Variants in CRISPLD2 observed in about 807,000 individuals in gnomAD.
CRISPLD2 encodes cysteine-rich secretory protein LCCL domain-containing 2.
CRISPLD2 carries 47 observed loss-of-function variants against 71.1 expected under a neutral mutation model. The observed-to-expected ratio is 0.66, with a 90% CI of 0.52 to 0.84. The LOEUF (loss-of-function observed/expected upper bound fraction) is 0.84, where lower values mean the gene tolerates loss of function less well. Ranked by LOEUF, CRISPLD2 falls within the 40% of genes least tolerant of loss-of-function variation. The pLI, the probability that CRISPLD2 is intolerant of heterozygous loss-of-function variation, is 0.00. For synonymous variants in CRISPLD2, 317 were observed against 250.1 expected (o/e 1.27, Z -2.52); for missense variants, 830 against 651.1 (o/e 1.27, Z -2.99).
chr16:84,875,414 C>CTTTTTTTT lies in CRISPLD2; in HGVS notation c.1156+1467_1156+1474dup, dbSNP rs34028519. Among the ~76,000 whole-genome samples, 342 of 87,768 alleles carry CTTTTTTTT rather than the reference C, an allele frequency of 3.9e-3. 13 individuals are homozygous for CTTTTTTTT. Among genetic ancestry groups the CTTTTTTTT allele is most frequent in the African/African-American group, 0.018 (317 of 18,000 alleles). The allele number at this position is 87,768 out of a possible 152,430, so 57.6% of individuals were successfully genotyped here. The stretch of plus-strand genomic sequence containing the variant: ...GAGAAACATGAGATTTATGCATGGA[C>CTTTTTTTT]TTTTTTTTTTTTTTTTTTTTTTTGT... On this transcript the variant is annotated intron_variant, in intron 11 of 14. Coordinates refer to ENST00000262424, the MANE Select transcript of CRISPLD2 (RefSeq NM_031476.4).
intron 6 of CRISPLD2, among the ~76,000 whole-genome samples, chr16:84,865,072 C>G (rs2143264592): frequency 6.6e-6 from 1 of 152,164 alleles, no homozygotes; most frequent in South Asian, 2.1e-4. Context: ...AAAATACTTG[C>G]TGTGTCCTTT....
In CRISPLD2 at chr16:84,856,485, A is replaced by T. The variant is rs542592526; in HGVS notation, c.709+1656A>T. Among the ~76,000 whole-genome samples the T allele has an allele frequency of 6.6e-5, 10 of 152,308 alleles. No homozygotes were observed. The South Asian group carries it at 2.1e-3, about 32-fold the overall frequency. ...TGGTGGCAGCGTTCCTCCCTCTGGA[A>T]CTAAGACCTCTAGGCCAGCAGAATG... On this transcript the variant is annotated intron_variant, in intron 6 of 14. Transcript: ENST00000262424.
intron 13 of CRISPLD2, among the ~76,000 whole-genome samples, chr16:84,884,469 C>T (rs2071595149): frequency 6.6e-6 from 1 of 152,214 alleles, no homozygotes; most frequent in African/African-American, 2.4e-5. Context: ...CACAGGTCAT[C>T]CCAAGTCACA....
intron 11 of CRISPLD2, among the ~76,000 whole-genome samples, chr16:84,876,741 A>C (rs2071521726): frequency 6.6e-6 from 1 of 152,216 alleles, no homozygotes; most frequent in African/African-American, 2.4e-5. Flanking sequence ...GCAGTGAGCC[A>C]AGATCGTGCC....
At chr16:84,846,069 G>C (rs1412771426) in intron 3 of CRISPLD2, 165 bp downstream of exon 3, 3 of 533,284 alleles carry the variant, frequency 5.6e-6, no homozygotes, top group Middle Eastern at 5.0e-4. Flanking sequence ...GAACACTCCT[G>C]AGTGACTGAC....
intron 2 of CRISPLD2, among the ~76,000 whole-genome samples, chr16:84,843,377 C>A (rs188477890): frequency 1.3e-5 from 2 of 152,318 alleles, no homozygotes; most frequent in Non-Finnish European, 2.9e-5. Context: ...GCTGTGGCTT[C>A]AAGCCACAGT....
chr16:84,845,712 C>A, intron 2 of CRISPLD2, 74 bp from the exon 3 acceptor site: 2 of 962,822 alleles, frequency 2.1e-6, no homozygotes, highest in East Asian at 2.4e-5. Flanking sequence ...CAGGCTGGGG[C>A]GTTGCTGTAT....
At chr16:84,902,200 T>TTTA (rs1162803899) in intron 14 of CRISPLD2, among the ~76,000 whole-genome samples, 1 of 152,090 alleles carries the variant, frequency 6.6e-6, no homozygotes, top group African/African-American at 2.4e-5. Context: ...CTTATCGGCT[T>TTTA]TTATTAGCAA....
intron 6 of CRISPLD2, among the ~76,000 whole-genome samples, chr16:84,861,681 C>T (rs1917385688): frequency 6.6e-6 from 1 of 152,194 alleles, no homozygotes; most frequent in Admixed American, 6.5e-5. Flanking sequence ...TCAATCCAGT[C>T]AAGCTGACAC....
chr16:84,848,788 C>T (rs971557957), intron 3 of CRISPLD2, among the ~76,000 whole-genome samples: 1 of 152,226 alleles, frequency 6.6e-6, no homozygotes, highest in African/African-American at 2.4e-5. Context: ...ACAACAATAT[C>T]TGTGAAATAC....
rs755939119 is a variant in CRISPLD2, at chr16:84,838,529, G to T, written c.34G>T (p.Gly12Trp). The change falls in exon 2 of 15, where the codon GGG becomes TGG. Residue 12 changes from glycine (G) to tryptophan (W), a missense_variant. Coordinates refer to ENST00000262424, the MANE Select transcript of CRISPLD2 (RefSeq NM_031476.4). The part of the protein sequence containing the change: ...SCVLGGVIPL[G>W]LLFLVCGSQG... ...CGTCCTGGGTGGTGTCATCCCCTTG[G>T]GGCTGCTGTTCCTGGTCTGCGGATC... 3.1e-6 allele frequency: 5 copies of T among 1,614,184 alleles called. No homozygotes were observed. The highest frequency in any genetic ancestry group is 3.4e-6 in the Non-Finnish European group (4 of 1,180,038).
rs780937131 is a variant in CRISPLD2, at chr16:84,838,632, G to C, written c.137G>C (p.Arg46Pro). 2 of 1,614,222 alleles carry C rather than the reference G, an allele frequency of 1.2e-6. No individual in the cohort carries two copies. The highest frequency in any genetic ancestry group is 3.3e-5 in the Admixed American group (2 of 60,026). Reference sequence around the variant, plus strand: ...TACCAGCACAACGAGTCTCACTCCCGGGTCCGCAGAGCCATCCCCAGGGAG... The same window carrying C: ...TACCAGCACAACGAGTCTCACTCCCCGGTCCGCAGAGCCATCCCCAGGGAG... ...SKYQHNESHS[R>P]VRRAIPREDK... Residue 46 changes from arginine (R) to proline (P), a missense_variant, in exon 2 of 15, where the codon CGG becomes CCG. By Grantham distance (103) the Arg-to-Pro change is moderately radical. Transcript: ENST00000262424.
At chr16:84,875,257 A>ATGTGTG (rs138882523) in intron 11 of CRISPLD2, among the ~76,000 whole-genome samples, 6,629 of 148,276 alleles carry the variant, frequency 0.045, 497 homozygotes, top group African/African-American at 0.15. Context: ...ATATATACAT[A>ATGTGTG]TGTGTGTGTG....
At chr16:84,877,171 G>C (rs1157465413) in intron 11 of CRISPLD2, among the ~76,000 whole-genome samples, 1 of 152,214 alleles carries the variant, frequency 6.6e-6, no homozygotes, top group Non-Finnish European at 1.5e-5. Flanking sequence ...TCACCATTCA[G>C]ATGAAAAGCA....
At chr16:84,898,366 C>G (rs1219099873) in intron 14 of CRISPLD2, among the ~76,000 whole-genome samples, 2 of 152,158 alleles carry the variant, frequency 1.3e-5, no homozygotes, top group Non-Finnish European at 2.9e-5. Flanking sequence ...GGCCCCTGCC[C>G]GCTCCCCCAC....
At chr16:84,837,608 A>G (rs113414094) in intron 1 of CRISPLD2, among the ~76,000 whole-genome samples, 2,602 of 150,882 alleles carry the variant, frequency 0.017, 38 homozygotes, top group Middle Eastern at 0.041. Context: ...TAGTAGAGAC[A>G]GGGTTTCATC....
At chr16:84,904,927 A>G (rs1444214354) in intron 14 of CRISPLD2, among the ~76,000 whole-genome samples, 3 of 152,234 alleles carry the variant, frequency 2.0e-5, no homozygotes, top group Non-Finnish European at 4.4e-5. Context: ...AGCACAATCT[A>G]TAAATGAAAA....
chr16:84,854,047 G>C (rs1917164085), intron 5 of CRISPLD2, among the ~76,000 whole-genome samples: 1 of 152,202 alleles, frequency 6.6e-6, no homozygotes, highest in Non-Finnish European at 1.5e-5. Flanking sequence ...GAGGCAGAGG[G>C]CAACTGTGAC....
At chr16:84,886,395 C>T (rs564298277) in intron 13 of CRISPLD2, among the ~76,000 whole-genome samples, 56 of 152,234 alleles carry the variant, frequency 3.7e-4, no homozygotes, top group African/African-American at 1.0e-3. Flanking sequence ...GTGGTAAGGA[C>T]GGGACAAAGG....
Sources: gnomAD v4.1 joint callset for allele counts (sites outside exome capture counted in the v4.1 genomes callset) on GRCh38, gnomAD v4.1.1 for gene constraint, MANE v1.5 for transcripts, NCBI Gene and HGNC (gene_info 2026-07-23, HGNC 2026-07-21) for gene names.